CALCR: variants seen among roughly 807,000 people sequenced by gnomAD.
The protein encoded by CALCR is calcitonin receptor.
A neutral mutation model predicts 59.5 loss-of-function variants in CALCR; 47 were observed. That is an observed-to-expected ratio of 0.79 (90% CI 0.63 to 1.01). The LOEUF (loss-of-function observed/expected upper bound fraction) is 1.01, where lower values mean the gene tolerates loss of function less well. Among genes scored for constraint, CALCR ranks in the 50% least tolerant of loss-of-function variants. The pLI is 0.00. For synonymous variants in CALCR, 213 were observed against 211.3 expected, an observed-to-expected ratio of 1.01 and a Z score of -0.07; for missense variants, 566 against 597.1, an observed-to-expected ratio of 0.95 and a Z score of 0.54.
chr7:93,500,278 G>T (rs1268158453), intron 2 of CALCR, among the ~76,000 whole-genome samples: 1 of 151,908 alleles, frequency 6.6e-6, no homozygotes, highest in Non-Finnish European at 1.5e-5. Context: ...CATAATGATA[G>T]TTCATCCTCT....
chr7:93,471,896 A>G (rs912367731), intron 6 of CALCR, among the ~76,000 whole-genome samples: 2 of 151,866 alleles, frequency 1.3e-5, no homozygotes, highest in Non-Finnish European at 1.5e-5. Context: ...CCATATCTGT[A>G]TTAGTGGACT....
intron 2 of CALCR, among the ~76,000 whole-genome samples, chr7:93,560,159 C>CTGAACT (rs1483088368): frequency 6.6e-6 from 1 of 152,020 alleles, no homozygotes; most frequent in Non-Finnish European, 1.5e-5. Context: ...CCTTTGAGGA[C>CTGAACT]TGAACTATGT....
intron 2 of CALCR, among the ~76,000 whole-genome samples, chr7:93,530,555 G>A (rs1788804340): frequency 6.6e-6 from 1 of 151,950 alleles, no homozygotes; most frequent in Non-Finnish European, 1.5e-5. Context: ...AAATTCATTA[G>A]AGATCTTTGA....
chr7:93,536,129 T>C (rs1237627407), intron 2 of CALCR, among the ~76,000 whole-genome samples: 2 of 151,790 alleles, frequency 1.3e-5, no homozygotes, highest in African/African-American at 4.8e-5. Flanking sequence ...TGTCCAGTTC[T>C]TTCCTGCTTC....
intron 2 of CALCR, among the ~76,000 whole-genome samples, chr7:93,487,613 G>A (rs148374908): frequency 1.3e-5 from 2 of 151,400 alleles, no homozygotes; most frequent in African/African-American, 2.4e-5. Context: ...ATCCAAACAG[G>A]CTGCTTAGTC....
intron 7 of CALCR, among the ~76,000 whole-genome samples, chr7:93,465,744 A>T (rs1297478161): frequency 1.3e-5 from 2 of 149,856 alleles, no homozygotes; most frequent in Non-Finnish European, 2.9e-5. Context: ...AAGGAGCATG[A>T]TTTCTATTTG....
chr7:93,561,945 CT>C (rs74559837), intron 2 of CALCR, among the ~76,000 whole-genome samples: 29,158 of 151,824 alleles, frequency 0.19, 3,454 homozygotes, highest in East Asian at 0.36. Context: ...CCTGCCTCTG[CT>C]TCTGGTTATA....
intron 6 of CALCR, 150 bp from the exon 7 acceptor site, chr7:93,468,956 A>G (rs1341770739): frequency 4.2e-6 from 2 of 478,796 alleles, no homozygotes; most frequent in Non-Finnish European, 7.3e-6. Flanking sequence ...AGATAGTGAA[A>G]TTAATTTTTA....
At position 93,479,359 on chromosome 7, in the gene CALCR, C is replaced by T. The variant is rs752748921; in HGVS notation, c.200G>A (p.Gly67Glu). The T allele has an allele frequency of 5.6e-6, 9 of 1,607,120 alleles. No homozygotes were observed. In the South Asian group the frequency reaches 8.9e-5, roughly 16 times the overall value. Residue 67 changes from glycine (G) to glutamate (E), a missense_variant, in exon 4 of 14, where the codon GGA becomes GAA. Transcript: ENST00000426151. ...DRMQQLPAYQGEGPYCNRTWD... is the reference protein window; with the variant it reads ...DRMQQLPAYQEEGPYCNRTWD... ...ATATATATCCTTCTCTTTACCTTCT[C>T]CTTGGTATGCGGGTAACTGCTGCAT...
chr7:93,528,436 G>C (rs902060256), intron 2 of CALCR, among the ~76,000 whole-genome samples: 5 of 151,880 alleles, frequency 3.3e-5, no homozygotes, highest in African/African-American at 1.2e-4. Context: ...TCTTCCCCCA[G>C]CCCACAACAG....
intron 8 of CALCR, among the ~76,000 whole-genome samples, chr7:93,460,590 T>C (rs1435907362): frequency 2.6e-5 from 3 of 115,486 alleles, no homozygotes; most frequent in African/African-American, 1.2e-4. Flanking sequence ...TATATATATA[T>C]ATGTATATAT....
rs545627885 is a variant in CALCR, at chr7:93,479,356, T to A, written c.203A>T (p.Glu68Val). ...TTCATATATATCCTTCTCTTTACCTTCTCCTTGGTATGCGGGTAACTGCTG... is the reference window on the plus strand; with the variant it reads ...TTCATATATATCCTTCTCTTTACCTACTCCTTGGTATGCGGGTAACTGCTG... ...RMQQLPAYQG[E>V]GPYCNRTWDG... Residue 68 changes from glutamate to valine, a missense_variant and splice_region_variant, in exon 4 of 14, where the codon GAA becomes GTA. Transcript: ENST00000426151. 1.9e-6 allele frequency: 3 copies of A among 1,606,756 alleles called. No homozygotes were observed. In the South Asian group the frequency reaches 3.4e-5, roughly 18 times the overall value.
chr7:93,486,985 T>C lies in CALCR; in HGVS notation c.-4A>G. On this transcript the variant is annotated 5_prime_UTR_variant, in exon 3 of 14. Transcript: ENST00000426151. ...GGCTTGTAAATGTGAACCTCATTTT[T>C]GATTTTTGAAGATCTCTTTGTCCTA... The C allele has an allele frequency of 6.3e-7, 1 of 1,593,896 alleles. No individual in the cohort carries two copies. The highest frequency in any genetic ancestry group is 8.6e-7 in the Non-Finnish European group (1 of 1,164,398).
chr7:93,506,052 C>G (rs906562941), intron 2 of CALCR, among the ~76,000 whole-genome samples: 4 of 152,214 alleles, frequency 2.6e-5, no homozygotes, highest in Admixed American at 2.0e-4. Flanking sequence ...GGCCAAATGT[C>G]CCACTCAGGT....
In CALCR at chr7:93,460,866, G is replaced by A. The variant is rs763121111; in HGVS notation, c.603C>T (p.His201=). Residue 201 remains histidine, a synonymous_variant, in exon 8 of 14, where the codon CAC becomes CAT. Transcript: ENST00000426151. The stretch of plus-strand genomic sequence containing the variant: ...CTCCATTGGGTACTACTTCAACCAG[G>A]TGGATGATGATAATCATAGAATTCA... ...YILNSMIIII[H]LVEVVPNGEL... is the part of the protein sequence containing the mutation. The A allele has an allele frequency of 7.4e-6, 12 of 1,611,340 alleles. 1 individual carries two copies. In the South Asian group the frequency reaches 1.1e-4, roughly 15 times the overall value.
intron 9 of CALCR, among the ~76,000 whole-genome samples, chr7:93,439,446 T>C (rs146927787): frequency 2.0e-5 from 3 of 152,224 alleles, no homozygotes; most frequent in African/African-American, 7.2e-5. Flanking sequence ...GAAAGAGAAG[T>C]ATATGGAAAA....
At chr7:93,555,222 G>T (rs79471659) in intron 2 of CALCR, among the ~76,000 whole-genome samples, 1 of 151,984 alleles carries the variant, frequency 6.6e-6, no homozygotes, top group South Asian at 2.1e-4. Flanking sequence ...AGAACTCCTC[G>T]GATGAATAAA....
intron 2 of CALCR, among the ~76,000 whole-genome samples, chr7:93,487,552 T>C (rs1414485941): frequency 6.6e-6 from 1 of 151,490 alleles, no homozygotes; most frequent in Non-Finnish European, 1.5e-5. Context: ...TCCATAGCAA[T>C]GATTGAGCAT....
chr7:93,519,563 G>A (rs1465738266), intron 2 of CALCR, among the ~76,000 whole-genome samples: 3 of 151,968 alleles, frequency 2.0e-5, no homozygotes, highest in Non-Finnish European at 4.4e-5. Context: ...AATATGTTGA[G>A]CATTTTCATT....
Sources: gnomAD v4.1 joint callset for allele counts (sites outside exome capture counted in the v4.1 genomes callset) on GRCh38, gnomAD v4.1.1 for gene constraint, MANE v1.5 for transcripts, NCBI Gene and HGNC (gene_info 2026-07-23, HGNC 2026-07-21) for gene names.